Variants in KIRREL3 observed in about 807,000 individuals in gnomAD.
The protein encoded by KIRREL3 is kin of IRRE-like protein 3.
In KIRREL3, 36 loss-of-function variants were observed where a neutral mutation model predicts 89.7. The ratio of observed to expected loss-of-function variants is 0.40; its 90% CI spans 0.31 to 0.53. The LOEUF is 0.53. Among genes scored for constraint, KIRREL3 ranks in the 20% least tolerant of loss-of-function variants. KIRREL3 has a pLI of 0.49. For missense variants in KIRREL3, 864 were observed against 1,056.6 expected (o/e 0.82, Z 2.53); for synonymous variants, 445 against 441.4 (o/e 1.01, Z -0.10).
At position 126,548,219 on chromosome 11, in the gene KIRREL3, A is replaced by G. The variant is rs193127967; in HGVS notation, c.133+14616T>C. On this transcript the variant is annotated intron_variant, in intron 2 of 16. Coordinates refer to ENST00000525144, the MANE Select transcript of KIRREL3 (RefSeq NM_032531.4). ...ATTTTATTATATGCCCATCTCCCCA[A>G]TGGACCTGAAGTTCTCTGCAGGCTG... Among the ~76,000 whole-genome samples, 46 of 152,098 alleles carry G rather than the reference A, an allele frequency of 3.0e-4. 1 individual carries two copies. In the East Asian group the frequency reaches 6.4e-3, roughly 21 times the overall value.
rs1047452620 is a variant in KIRREL3 at position 126,612,766 on chromosome 11, G to A, written c.56-49854C>T. ...GCCTTTTGTGTCCGTCTCCTTTCAC[G>A]TAACAAAATGCTTTCAAGGTTCCAT... On this transcript the variant is annotated intron_variant, in intron 1 of 16. Coordinates refer to ENST00000525144, the MANE Select transcript of KIRREL3 (RefSeq NM_032531.4). The surrounding 1 kb of genome is among the most constrained non-coding windows in gnomAD (Gnocchi z 4.5). 6.6e-6 allele frequency among the ~76,000 whole-genome samples: 1 copy of A among 152,128 alleles called. No individual in the cohort carries two copies. Among genetic ancestry groups the A allele is most frequent in the African/African-American group, 2.4e-5 (1 of 41,416 alleles).
At chr11:126,789,028 G>C (rs1464208681) in intron 1 of KIRREL3, among the ~76,000 whole-genome samples, 1 of 152,014 alleles carries the variant, frequency 6.6e-6, no homozygotes, top group East Asian at 1.9e-4. Flanking sequence ...TCCCATAAAT[G>C]TCCTCTGAAT....
At position 126,637,363 on chromosome 11, in the gene KIRREL3, G is replaced by A. The variant is rs1011714538; in HGVS notation, c.56-74451C>T. ...TCTGCATGTTCCAAATGCTATTACCGACACTATCTTTCCCTCCACTGGCCC... is the reference window on the plus strand; with the variant it reads ...TCTGCATGTTCCAAATGCTATTACCAACACTATCTTTCCCTCCACTGGCCC... On this transcript the variant is annotated intron_variant, in intron 1 of 16. Transcript: ENST00000525144. 5.9e-5 allele frequency among the ~76,000 whole-genome samples: 9 copies of A among 152,062 alleles called. 1 individual carries two copies. Among genetic ancestry groups the A allele is most frequent in the East Asian group, 1.9e-4 (1 of 5,162 alleles).
At chr11:126,585,406 G>T (rs1168651958) in intron 1 of KIRREL3, among the ~76,000 whole-genome samples, 1 of 151,370 alleles carries the variant, frequency 6.6e-6, no homozygotes, top group Non-Finnish European at 1.5e-5. Flanking sequence ...GCTACATTTT[G>T]TATTTTCAGT....
rs1002433511 is a variant in KIRREL3 at position 126,647,306 on chromosome 11, C to T, written c.56-84394G>A. On this transcript the variant is annotated intron_variant, in intron 1 of 16. Coordinates refer to ENST00000525144, the MANE Select transcript of KIRREL3 (RefSeq NM_032531.4). The surrounding 1 kb of genome is among the most constrained non-coding windows in gnomAD (Gnocchi z 4.9). ...AATAAGCTCCCAAGCCTTGCATGCC[C>T]GTTTTAATTAACTTGTCTATTCACG... is the stretch of plus-strand genomic sequence containing the variant. 5.9e-5 allele frequency among the ~76,000 whole-genome samples: 9 copies of T among 152,132 alleles called. No homozygotes were observed. The highest frequency in any genetic ancestry group is 1.7e-4 in the African/African-American group (7 of 41,424).
intron 1 of KIRREL3, among the ~76,000 whole-genome samples, chr11:126,735,712 A>T (rs1442594226): frequency 2.6e-5 from 4 of 152,254 alleles, no homozygotes; most frequent in African/African-American, 9.6e-5. Context: ...GTAGGAACTG[A>T]AGTCAATTGC....
intron 1 of KIRREL3, among the ~76,000 whole-genome samples, chr11:126,586,782 G>C (rs940335216): frequency 6.6e-6 from 1 of 152,126 alleles, no homozygotes; most frequent in Non-Finnish European, 1.5e-5. Flanking sequence ...CAGGAGCTGG[G>C]ACACAGCTTT....
Position 126,614,329 on chromosome 11 carries a change from A to G in KIRREL3, c.56-51417T>C, listed in dbSNP as rs1269538123. On this transcript the variant is annotated intron_variant, in intron 1 of 16. Transcript: ENST00000525144. This position sits in a 1 kb window ranked among gnomAD's most constrained non-coding sequence, Gnocchi z 4.6. ...GTCAGAAGCCAGGAGTTCTAATCCT[A>G]TTTTTCCCTCTAAGTAGGTTTGTGA... is the stretch of plus-strand genomic sequence containing the variant. Among the ~76,000 whole-genome samples, 1 of 151,986 alleles carries G rather than the reference A, an allele frequency of 6.6e-6. No homozygotes were observed. The highest frequency in any genetic ancestry group is 1.5e-5 in the Non-Finnish European group (1 of 68,008).
rs1231721486 is a variant in KIRREL3 at position 126,788,202 on chromosome 11, G to C, written c.55+212253C>G. Among the ~76,000 whole-genome samples, 1 of 152,232 alleles carries C rather than the reference G, an allele frequency of 6.6e-6. No homozygotes were observed. Among genetic ancestry groups the C allele is most frequent in the East Asian group, 1.9e-4 (1 of 5,196 alleles). Reference sequence around the variant, plus strand: ...CTTGGGACAAATGCACAATCTGGAAGGAAATCGTTTCTAACCATCTCTTTT... The same window carrying C: ...CTTGGGACAAATGCACAATCTGGAACGAAATCGTTTCTAACCATCTCTTTT... On this transcript the variant is annotated intron_variant, in intron 1 of 16. Transcript: ENST00000525144. The surrounding 1 kb of genome is among the most constrained non-coding windows in gnomAD (Gnocchi z 4.1).
intron 1 of KIRREL3, among the ~76,000 whole-genome samples, chr11:126,821,355 A>ATATATATATAT (rs1440926983): frequency 2.1e-4 from 29 of 140,378 alleles, no homozygotes; most frequent in East Asian, 4.3e-4. Context: ...ATATATATGT[A>ATATATATATAT]ACTTCCAACC....
rs990524421 is a variant in KIRREL3 at position 126,677,710 on chromosome 11, T to G, written c.56-114798A>C. On this transcript the variant is annotated intron_variant, in intron 1 of 16. Coordinates refer to ENST00000525144, the MANE Select transcript of KIRREL3 (RefSeq NM_032531.4). This position sits in a 1 kb window ranked among gnomAD's most constrained non-coding sequence, Gnocchi z 5.1. ...CTCGCACGAGTGGGTCCTCCCAGAA[T>G]GAGTCCAGGGGAGCCCCCTGGACCA... Among the ~76,000 whole-genome samples the G allele has an allele frequency of 6.6e-6, 1 of 152,078 alleles. No homozygotes were observed. The highest frequency in any genetic ancestry group is 2.4e-5 in the African/African-American group (1 of 41,428).
Position 126,462,177 on chromosome 11 carries a change from A to G in KIRREL3, c.742+980T>C, listed in dbSNP as rs1285488394. On this transcript the variant is annotated intron_variant, in intron 6 of 16. Transcript: ENST00000525144. The surrounding 1 kb of genome is among the most constrained non-coding windows in gnomAD (Gnocchi z 4.8). ...TGCGATGCTGGTGGAGCCCTGAAGC[A>G]TCATAACTGTCAACATGAATCCTAA... Among the ~76,000 whole-genome samples the G allele has an allele frequency of 6.6e-6, 1 of 152,108 alleles. No homozygotes were observed. Among genetic ancestry groups the G allele is most frequent in the Non-Finnish European group, 1.5e-5 (1 of 68,018 alleles).
chr11:126,806,235 C>A (rs545520499), intron 1 of KIRREL3, among the ~76,000 whole-genome samples: 15 of 152,330 alleles, frequency 9.8e-5, no homozygotes, highest in African/African-American at 3.6e-4. Context: ...GAATAACATT[C>A]TCCCTCATGT....
Position 126,569,985 on chromosome 11 carries a change from C to G in KIRREL3, c.56-7073G>C, listed in dbSNP as rs1004325653. On this transcript the variant is annotated intron_variant, in intron 1 of 16. Transcript: ENST00000525144. This position sits in a 1 kb window ranked among gnomAD's most constrained non-coding sequence, Gnocchi z 6.5. Reference sequence around the variant, plus strand: ...CTATTTTCAGCATAATTACTCATATCCCAGGCAATAATAATGCCCATACAT... The same window carrying G: ...CTATTTTCAGCATAATTACTCATATGCCAGGCAATAATAATGCCCATACAT... 6.6e-6 allele frequency among the ~76,000 whole-genome samples: 1 copy of G among 152,104 alleles called. No individual in the cohort carries two copies. The highest frequency in any genetic ancestry group is 1.5e-5 in the Non-Finnish European group (1 of 68,028).
rs1212858121 is a variant in KIRREL3 at position 126,918,931 on chromosome 11, C to T, written c.55+81524G>A. ...GACCCAAGGAAATATGATTTTATAA[C>T]GTCATATGTTATAACATCATATGTT... On this transcript the variant is annotated intron_variant, in intron 1 of 16. Transcript: ENST00000525144. The surrounding 1 kb of genome is among the most constrained non-coding windows in gnomAD (Gnocchi z 6.5). Among the ~76,000 whole-genome samples, 4 of 151,336 alleles carry T rather than the reference C, an allele frequency of 2.6e-5. No individual in the cohort carries two copies. The highest frequency in any genetic ancestry group is 4.9e-5 in the African/African-American group (2 of 41,200).
rs771171712 is a variant in KIRREL3, at chr11:126,561,393, CCTGA to C, written c.133+1438_133+1441del. 1.5e-4 allele frequency among the ~76,000 whole-genome samples: 23 copies of C among 152,352 alleles called. No homozygotes were observed. The highest frequency in any genetic ancestry group is 3.1e-4 in the Non-Finnish European group (21 of 68,036). ...TATGGGTTTCAATTCCAGCCCAGCT[CCTGA>C]CTTTTTGGCTTCCCCAATCCCTACA... On this transcript the variant is annotated intron_variant, in intron 2 of 16. Coordinates refer to ENST00000525144, the MANE Select transcript of KIRREL3 (RefSeq NM_032531.4). This position sits in a 1 kb window ranked among gnomAD's most constrained non-coding sequence, Gnocchi z 4.5.
In KIRREL3 at chr11:126,484,709, A is replaced by G. The variant is rs149076572; in HGVS notation, c.434-11243T>C. Among the ~76,000 whole-genome samples, 383 of 152,276 alleles carry G rather than the reference A, an allele frequency of 2.5e-3. No homozygotes were observed. Among genetic ancestry groups the G allele is most frequent in the African/African-American group, 8.7e-3 (363 of 41,550 alleles). On this transcript the variant is annotated intron_variant, in intron 4 of 16. Coordinates refer to ENST00000525144, the MANE Select transcript of KIRREL3 (RefSeq NM_032531.4). This position sits in a 1 kb window ranked among gnomAD's most constrained non-coding sequence, Gnocchi z 5.2. The stretch of plus-strand genomic sequence containing the variant: ...GCAATCCTGTAGATGTGTTAATTAC[A>G]TATATGTGATTTAATTAATGTAGGT...
At chr11:126,632,530 A>C (rs987953105) in intron 1 of KIRREL3, among the ~76,000 whole-genome samples, 1 of 152,262 alleles carries the variant, frequency 6.6e-6, no homozygotes. Flanking sequence ...GTAATGTGTG[A>C]ATAATGTAAC....
At chr11:126,799,437 TCTGTGTGCATGC>T (rs1950954771) in intron 1 of KIRREL3, among the ~76,000 whole-genome samples, 1 of 138,002 alleles carries the variant, frequency 7.2e-6, no homozygotes, top group African/African-American at 2.7e-5. Flanking sequence ...CATGTGTGTA[TCTGTGTGCATGC>T]ATCTCTGTGT....
Sources: allele counts gnomAD v4.1 joint callset (sites outside exome capture counted in the v4.1 genomes callset), GRCh38; gene constraint gnomAD v4.1.1; non-coding constraint Gnocchi (gnomAD v3.1); transcripts MANE v1.5; gene names NCBI Gene and HGNC (gene_info 2026-07-23, HGNC 2026-07-21).